Variants in DOCK1 observed in about 807,000 individuals in gnomAD.
The protein encoded by DOCK1 is dedicator of cytokinesis protein 1.
In DOCK1, 138 loss-of-function variants were observed where a neutral mutation model predicts 262.7. The ratio of observed to expected loss-of-function variants is 0.53; its 90% CI spans 0.46 to 0.61. DOCK1 has a LOEUF of 0.61. Among genes scored for constraint, DOCK1 ranks in the 20% least tolerant of loss-of-function variants. The probability of loss-of-function intolerance (pLI) is 0.00; values close to 1 mark genes in which losing one functional copy is unlikely to be tolerated. For synonymous variants in DOCK1, 866 were observed against 867.4 expected, an observed-to-expected ratio of 1.00 and a Z score of 0.03; for missense variants, 1,908 against 2,370.7, an observed-to-expected ratio of 0.80 and a Z score of 4.05.
At chr10:126,990,736 C>A in intron 6 of DOCK1, 133 bp downstream of exon 6, 2 of 1,193,380 alleles carry the variant, frequency 1.7e-6, no homozygotes, top group Non-Finnish European at 1.1e-6. Flanking sequence ...GCATGTTTTT[C>A]ATTTTGAAAA....
intron 29 of DOCK1, among the ~76,000 whole-genome samples, chr10:127,315,452 GA>G (rs1261574093): frequency 6.6e-6 from 1 of 152,108 alleles, no homozygotes; most frequent in Non-Finnish European, 1.5e-5. Flanking sequence ...GAGGCCATTT[GA>G]GGACACGGGG....
At chr10:127,312,946 A>G (rs1242300847) in intron 29 of DOCK1, among the ~76,000 whole-genome samples, 5 of 152,120 alleles carry the variant, frequency 3.3e-5, no homozygotes, top group Non-Finnish European at 7.4e-5. Flanking sequence ...AAGGATTGCC[A>G]TTTAGGAGAG....
intron 1 of DOCK1, among the ~76,000 whole-genome samples, chr10:126,911,382 TGAGC>T (rs2031735955): frequency 1.3e-5 from 2 of 152,156 alleles, no homozygotes; most frequent in Non-Finnish European, 2.9e-5. Flanking sequence ...GCGGGTCCAC[TGAGC>T]TGTGAAATTG....
At chr10:127,159,156 C>A (rs2053359761) in intron 27 of DOCK1, among the ~76,000 whole-genome samples, 1 of 152,172 alleles carries the variant, frequency 6.6e-6, no homozygotes, top group South Asian at 2.1e-4. Context: ...TCTGGACAAG[C>A]CAATTCTACA....
At chr10:127,052,505 C>T (rs991483608) in intron 21 of DOCK1, among the ~76,000 whole-genome samples, 176 bp from the exon 22 acceptor site, 18 of 141,952 alleles carry the variant, frequency 1.3e-4, no homozygotes, top group Admixed American at 6.6e-4. Flanking sequence ...TCCTGGGTGA[C>T]AGGGTGAAAC....
chr10:127,351,317 G>A (rs932408206), intron 31 of DOCK1, among the ~76,000 whole-genome samples: 8 of 152,192 alleles, frequency 5.3e-5, no homozygotes, highest in Non-Finnish European at 1.0e-4. Context: ...TGGCTCGGTG[G>A]AGTCGGGCAT....
chr10:127,136,804 A>T (rs1471768392), intron 27 of DOCK1: 1 of 152,600 alleles, frequency 6.6e-6, no homozygotes, highest in African/African-American at 2.4e-5. Context: ...AACTAAACGC[A>T]CTGTTTCTCT....
intron 38 of DOCK1, among the ~76,000 whole-genome samples, chr10:127,394,834 G>A (rs190993327): frequency 1.3e-5 from 2 of 152,074 alleles, no homozygotes; most frequent in African/African-American, 4.8e-5. Flanking sequence ...GGCCCACCTC[G>A]AGGCGATTCT....
chr10:127,068,386 T>G (rs925179513), intron 23 of DOCK1, among the ~76,000 whole-genome samples: 7 of 152,200 alleles, frequency 4.6e-5, no homozygotes, highest in Non-Finnish European at 1.0e-4. Flanking sequence ...TAGGATTTGC[T>G]GGCAGGTGAG....
chr10:127,079,187 T>C (rs751309266), intron 23 of DOCK1, among the ~76,000 whole-genome samples: 6 of 152,200 alleles, frequency 3.9e-5, no homozygotes, highest in Non-Finnish European at 7.3e-5. Flanking sequence ...GAACATTGGA[T>C]GCATTTACCG....
chr10:127,135,537 G>GC (rs1434765617), intron 27 of DOCK1: 1 of 152,588 alleles, frequency 6.6e-6, no homozygotes, highest in Non-Finnish European at 1.5e-5. Context: ...GGAACCCTGT[G>GC]CGTTTTACCT....
At position 127,422,158 on chromosome 10, in the gene DOCK1, C is replaced by CTTTTTTTTTTTTTTTTT. The variant is rs35535729; in HGVS notation, c.4776+2420_4776+2436dup. Among the ~76,000 whole-genome samples the CTTTTTTTTTTTTTTTTT allele has an allele frequency of 2.0e-4, 12 of 61,386 alleles. 1 individual carries two copies. Among genetic ancestry groups the CTTTTTTTTTTTTTTTTT allele is most frequent in the South Asian group, 7.8e-4 (1 of 1,286 alleles). The allele number at this position is 61,386 out of a possible 152,430, so 40.3% of individuals were successfully genotyped here. A position where few individuals can be genotyped will look rare whatever the true frequency, so the allele number is the denominator to read the frequency against. ...CAACAAGACTTGTTATTTTGTTTGTCTTTTTTTTTTTTTTTTTTTTTTTTT... is the reference window on the plus strand; with the variant it reads ...CAACAAGACTTGTTATTTTGTTTGTCTTTTTTTTTTTTTTTTTTTTTTTTTTTTTTTTTTTTTTTTTT... On this transcript the variant is annotated intron_variant, in intron 46 of 51. Transcript: ENST00000623213.
chr10:127,112,637 A>T (rs750027715), intron 25 of DOCK1, among the ~76,000 whole-genome samples: 1 of 152,222 alleles, frequency 6.6e-6, no homozygotes, highest in Non-Finnish European at 1.5e-5. Flanking sequence ...TGATCTTAGT[A>T]TAAGCAAGTT....
At chr10:127,268,551 T>C (rs960780285) in intron 29 of DOCK1, among the ~76,000 whole-genome samples, 10 of 147,940 alleles carry the variant, frequency 6.8e-5, no homozygotes, top group Non-Finnish European at 1.5e-4. Context: ...GAAATATATG[T>C]GATTTATTGC....
intron 1 of DOCK1, among the ~76,000 whole-genome samples, chr10:126,912,521 T>C (rs2031934269): frequency 6.7e-6 from 1 of 150,152 alleles, no homozygotes; most frequent in Non-Finnish European, 1.5e-5. Context: ...GGTCAGTAGA[T>C]CGAGACCCTC....
chr10:127,180,966 G>A (rs902729401), intron 27 of DOCK1, among the ~76,000 whole-genome samples: 38 of 152,238 alleles, frequency 2.5e-4, no homozygotes, highest in African/African-American at 8.2e-4. Flanking sequence ...GTACAGCGTC[G>A]TTCTGGTTTT....
At chr10:127,037,078 T>A (rs1012032798) in intron 18 of DOCK1, among the ~76,000 whole-genome samples, 4 of 151,440 alleles carry the variant, frequency 2.6e-5, no homozygotes, top group Non-Finnish European at 4.4e-5. Context: ...AAAACCAGTA[T>A]ATTCATTCCT....
At chr10:127,351,816 A>T (rs1259851638) in intron 31 of DOCK1, among the ~76,000 whole-genome samples, 1 of 151,996 alleles carries the variant, frequency 6.6e-6, no homozygotes, top group African/African-American at 2.4e-5. Context: ...GCATGTATAG[A>T]TTCATCAAAG....
chr10:127,052,949 T>A, intron 22 of DOCK1, 134 bp downstream of exon 22: 1 of 1,371,360 alleles, frequency 7.3e-7, no homozygotes, highest in Non-Finnish European at 9.8e-7. Context: ...CTTTCTAGGC[T>A]GAGAGAGCAC....
Sources: allele counts gnomAD v4.1 joint callset (sites outside exome capture counted in the v4.1 genomes callset), GRCh38; gene constraint gnomAD v4.1.1; transcripts MANE v1.5; gene names NCBI Gene and HGNC (gene_info 2026-07-23, HGNC 2026-07-21).